FDXACB1: variants seen among roughly 807,000 people sequenced by gnomAD.
FDXACB1 encodes the protein ferredoxin-fold anticodon-binding domain-containing protein 1.
Under a neutral mutation model 51.7 loss-of-function variants are expected in FDXACB1, and 41 were observed. The ratio of observed to expected loss-of-function variants is 0.79; its 90% CI spans 0.62 to 1.03. FDXACB1 has a LOEUF of 1.03. Ranked by LOEUF, FDXACB1 falls within the 50% of genes least tolerant of loss-of-function variation. The pLI is 0.00. For synonymous variants in FDXACB1, 273 were observed against 278.6 expected, an observed-to-expected ratio of 0.98 and a Z score of 0.20; for missense variants, 697 against 746.4, an observed-to-expected ratio of 0.93 and a Z score of 0.77.
chr11:111,875,265 T>A lies in FDXACB1; in HGVS notation c.1532A>T (p.Asp511Val). ...GACAAAATTTTTCAGGAAACGGTTA[T>A]CAAACGTCCACAACATTCTCCAGTC... ...ISDWRMLWTFDNRFLKNFVPG... is the reference protein window; with the variant it reads ...ISDWRMLWTFVNRFLKNFVPG... Residue 511 changes from aspartate (D) to valine (V), a missense_variant, in exon 5 of 5, where the codon GAT becomes GTT. By Grantham distance (152) the Asp-to-Val change is radical. Coordinates refer to ENST00000260257, the MANE Select transcript of FDXACB1 (RefSeq NM_138378.3). 1 of 1,613,898 alleles carries A rather than the reference T, an allele frequency of 6.2e-7. No individual in the cohort carries two copies. Among genetic ancestry groups the A allele is most frequent in the Non-Finnish European group, 8.5e-7 (1 of 1,179,878 alleles).
Position 111,875,467 on chromosome 11 carries a change from T to C in FDXACB1, c.1330A>G (p.Asn444Asp), listed in dbSNP as rs1566366674. 9.3e-6 allele frequency: 15 copies of C among 1,612,832 alleles called. No homozygotes were observed. The highest frequency in any genetic ancestry group is 1.2e-5 in the Non-Finnish European group (14 of 1,179,734). The change falls in exon 5 of 5, where the codon AAT becomes GAT. Residue 444 changes from asparagine to aspartate, a missense_variant. This residue lies in a region of FDXACB1 where 538 missense variants were observed against 592.2 expected (regional missense o/e 0.91). Coordinates refer to ENST00000260257, the MANE Select transcript of FDXACB1 (RefSeq NM_138378.3). ...SSLVKFVLQSNGKDYMIRVKT... is the reference protein window; with the variant it reads ...SSLVKFVLQSDGKDYMIRVKT... ...ACACGAATCATATAATCCTTTCCAT[T>C]TGACTGAAGGACAAATTTGACTAAA...
chr11:111,876,721 G>C, intron 3 of FDXACB1, 82 bp from the exon 4 acceptor site: 1 of 1,578,712 alleles, frequency 6.3e-7, no homozygotes, highest in Non-Finnish European at 8.6e-7. Context: ...TTAATTGGCA[G>C]GGCCTATTGA....
At position 111,878,596 on chromosome 11, in the gene FDXACB1, C is replaced by T. The variant is rs1555162550; in HGVS notation, c.289G>A (p.Val97Ile). The change falls in exon 2 of 5, where the codon GTA (valine) becomes ATA (isoleucine). Residue 97 changes from valine (V) to isoleucine (I), a missense_variant. Val to Ile is a conservative substitution (Grantham distance 29). Coordinates refer to ENST00000260257, the MANE Select transcript of FDXACB1 (RefSeq NM_138378.3). Reference sequence around the variant, plus strand: ...GCAAGCAGTTCCCTGTTCTTAGCTACGCCAGCTTTGCGTCCACAATGCGGG... The same window carrying T: ...GCAAGCAGTTCCCTGTTCTTAGCTATGCCAGCTTTGCGTCCACAATGCGGG... ...IFPHCGRKAGVAKNRELLAKF... is the reference protein window; with the variant it reads ...IFPHCGRKAGIAKNRELLAKF... The T allele has an allele frequency of 7.5e-6, 12 of 1,601,888 alleles. No homozygotes were observed. The highest frequency in any genetic ancestry group is 1.0e-5 in the Non-Finnish European group (12 of 1,173,946).
At position 111,875,675 on chromosome 11, in the gene FDXACB1, T is replaced by C; in HGVS notation, c.1122A>G (p.Gly374=). ...FLSGSLHILS[G]PVFQKCHILP... is the part of the protein sequence containing the mutation. ...AAATGTGGCACTTCTGAAAGACAGG[T>C]CCACTGAGGATGTGCAGAGAACCTG... is the stretch of plus-strand genomic sequence containing the variant. The change falls in exon 5 of 5, where the codon GGA becomes GGG. Residue 374 remains glycine, a synonymous_variant. Transcript: ENST00000260257. The C allele has an allele frequency of 1.2e-6, 2 of 1,613,440 alleles. No homozygotes were observed. The highest frequency in any genetic ancestry group is 1.7e-6 in the Non-Finnish European group (2 of 1,179,850).
chr11:111,876,409 T>C (rs1363158322), intron 4 of FDXACB1, 72 bp downstream of exon 4: 4 of 1,522,834 alleles, frequency 2.6e-6, no homozygotes. Context: ...ATCCATTCAA[T>C]ATATGGTTGC....
At chr11:111,878,010 AC>A (rs1964855623) in intron 2 of FDXACB1, among the ~76,000 whole-genome samples, 1 of 151,610 alleles carries the variant, frequency 6.6e-6, no homozygotes. Context: ...ACACGGTGAA[AC>A]CCCATCTCTA....
In FDXACB1 at chr11:111,876,966, T is replaced by A; in HGVS notation, c.375A>T (p.Leu125Phe). Residue 125 changes from leucine to phenylalanine, a missense_variant, in exon 3 of 5, where the codon TTA becomes TTT. By Grantham distance (22) the Leu-to-Phe change is conservative. This residue lies in a region of FDXACB1 where 538 missense variants were observed against 592.2 expected (regional missense o/e 0.91). Transcript: ENST00000260257. ...CAGGAGTTCCACCTTGTCCTCTACA[T>A]AATGCCACGTGGACTTCTCCTTCCT... Reference protein sequence around the residue: ...LAEEGEVHVALCRGQGGTPAD... With the variant: ...LAEEGEVHVAFCRGQGGTPAD... The A allele has an allele frequency of 6.2e-7, 1 of 1,603,086 alleles. No homozygotes were observed. The highest frequency in any genetic ancestry group is 8.5e-7 in the Non-Finnish European group (1 of 1,174,338).
At chr11:111,878,450 T>G in intron 2 of FDXACB1, 106 bp downstream of exon 2, 1 of 1,300,166 alleles carries the variant, frequency 7.7e-7, no homozygotes, top group Admixed American at 2.7e-5. Context: ...TTATAGTCTC[T>G]TCTAAACATA....
Position 111,876,877 on chromosome 11 carries a change from C to A in FDXACB1, c.464G>T (p.Gly155Val), listed in dbSNP as rs1313823289. 2 of 1,613,602 alleles carry A rather than the reference C, an allele frequency of 1.2e-6. No individual in the cohort carries two copies. Among genetic ancestry groups the A allele is most frequent in the African/African-American group, 2.7e-5 (2 of 74,918 alleles). The change falls in exon 3 of 5, where the codon GGG becomes GTG. Residue 155 changes from glycine (G) to valine (V), a missense_variant. Around this residue, in one of 3 missense-constraint regions of FDXACB1, gnomAD observed 538 missense variants for 592.2 expected, o/e 0.91. Transcript: ENST00000260257. ...TGGATACACGTCGCTTAAAATGAGC[C>A]CCCCCAGGGCTGCCATGGCAACCAC... ...WQVVAMAALG[G>V]LILSDVYPFS...
rs2137350018 is a variant in FDXACB1, at chr11:111,878,950, G to A, written c.172+11C>T. ...GCTGGGCGGGGTTTCGCAGAGGGGC[G>A]GGCTCGCTACCTCGCTCGCGCAGGC... On this transcript the variant is annotated intron_variant, in intron 1 of 4. Transcript: ENST00000260257. 1 of 1,585,620 alleles carries A rather than the reference G, an allele frequency of 6.3e-7. No homozygotes were observed.
In FDXACB1 at chr11:111,875,959, A is replaced by C; in HGVS notation, c.838T>G (p.Trp280Gly). 1 of 1,614,018 alleles carries C rather than the reference A, an allele frequency of 6.2e-7. No individual in the cohort carries two copies. The highest frequency in any genetic ancestry group is 2.2e-5 in the East Asian group (1 of 44,886). The change falls in exon 5 of 5, where the codon TGG (tryptophan) becomes GGG (glycine). Residue 280 changes from tryptophan (W) to glycine (G), a missense_variant. Physicochemically the swap from Trp to Gly is radical, Grantham distance 184 (BLOSUM62 -2). Coordinates refer to ENST00000260257, the MANE Select transcript of FDXACB1 (RefSeq NM_138378.3). ...GCAGCTGACAGAAAGTCACAATTCCAGAAAGGAAGAACACTGGTACCTTCC... is the reference window on the plus strand; with the variant it reads ...GCAGCTGACAGAAAGTCACAATTCCCGAAAGGAAGAACACTGGTACCTTCC... ...PQEGTSVLPF[W>G]NCDFLSAAFW... is the part of the protein sequence containing the mutation.
Position 111,876,584 on chromosome 11 carries a change from T to C in FDXACB1, c.589A>G (p.Ser197Gly). Residue 197 changes from serine to glycine, a missense_variant, in exon 4 of 5, where the codon AGC (serine) becomes GGC (glycine). Ser to Gly is a moderately conservative substitution (Grantham distance 56). This residue lies in a region of FDXACB1 where 538 missense variants were observed against 592.2 expected (regional missense o/e 0.91). Transcript: ENST00000260257. The stretch of plus-strand genomic sequence containing the variant: ...GGTTGAGAACCTTCAAAAGGTAAGC[T>C]CCTGGTGAAGATATGGTTCAAAGCA... Reference protein sequence around the residue: ...EGALNHIFTRSLPFEGSQPRI... With the variant: ...EGALNHIFTRGLPFEGSQPRI... 6.2e-7 allele frequency: 1 copy of C among 1,614,000 alleles called. No homozygotes were observed. The highest frequency in any genetic ancestry group is 8.5e-7 in the Non-Finnish European group (1 of 1,179,886).
Position 111,875,896 on chromosome 11 carries a change from C to G in FDXACB1, c.901G>C (p.Glu301Gln). Residue 301 changes from glutamate (E) to glutamine (Q), a missense_variant, in exon 5 of 5, where the codon GAG (glutamate) becomes CAG (glutamine). By Grantham distance (29) the Glu-to-Gln change is conservative. This residue lies in a region of FDXACB1 where 538 missense variants were observed against 592.2 expected (regional missense o/e 0.91). Transcript: ENST00000260257. ...TGTGATGTCCCACCAGTCAGGGACT[C>G]AGAATTTGAGTTATCTTCATGGAGA... ...ISLHEDNSNS[E>Q]SLTGGTSQDV... 6.2e-7 allele frequency: 1 copy of G among 1,613,808 alleles called. No homozygotes were observed. The highest frequency in any genetic ancestry group is 8.5e-7 in the Non-Finnish European group (1 of 1,179,888).
At position 111,875,921 on chromosome 11, in the gene FDXACB1, A is replaced by G; in HGVS notation, c.876T>C (p.Ser292=). The G allele has an allele frequency of 6.2e-7, 1 of 1,613,924 alleles. No individual in the cohort carries two copies. The highest frequency in any genetic ancestry group is 8.5e-7 in the Non-Finnish European group (1 of 1,179,896). The stretch of plus-strand genomic sequence containing the variant: ...CAGAATTTGAGTTATCTTCATGGAG[A>G]CTAATCCAAAAAGCAGCTGACAGAA... ...CDFLSAAFWI[S]LHEDNSNSES... Residue 292 remains serine (S), a synonymous_variant, in exon 5 of 5, where the codon AGT becomes AGC. Coordinates refer to ENST00000260257, the MANE Select transcript of FDXACB1 (RefSeq NM_138378.3).
rs1188695306 is a variant in FDXACB1 at position 111,876,102 on chromosome 11, C to A, written c.695G>T (p.Gly232Val). ...ATGACATGAAGGTGCTTCCAGGAAA[C>A]CCCTGTTTAAACACACACAAAAATA... ...PEALVGKLNRGFLEAPSCHPI... is the reference protein window; with the variant it reads ...PEALVGKLNRVFLEAPSCHPI... The change falls in exon 5 of 5, where the codon GGT (glycine) becomes GTT (valine). Residue 232 changes from glycine (G) to valine (V), a missense_variant and splice_region_variant. Gly to Val is a moderately radical substitution (Grantham distance 109). Coordinates refer to ENST00000260257, the MANE Select transcript of FDXACB1 (RefSeq NM_138378.3). 2 of 1,595,380 alleles carry A rather than the reference C, an allele frequency of 1.3e-6. No homozygotes were observed. Among genetic ancestry groups the A allele is most frequent in the Non-Finnish European group, 1.7e-6 (2 of 1,170,662 alleles).
At chr11:111,878,481 G>A (rs1203049359) in intron 2 of FDXACB1, 75 bp downstream of exon 2, 2 of 1,442,600 alleles carry the variant, frequency 1.4e-6, no homozygotes, top group Non-Finnish European at 1.9e-6. Context: ...TTGCACGTGT[G>A]CCTTATGTTT....
intron 2 of FDXACB1, 91 bp downstream of exon 2, chr11:111,878,465 A>G: frequency 7.3e-7 from 1 of 1,368,986 alleles, no homozygotes; most frequent in Non-Finnish European, 9.8e-7. Context: ...AACATATCAT[A>G]GTAGCTTGCA....
Position 111,874,737 on chromosome 11 carries a change from G to A in FDXACB1, c.*185C>T. 6 of 601,852 alleles carry A rather than the reference G, an allele frequency of 1.0e-5. No individual in the cohort carries two copies. In the South Asian group the frequency reaches 1.3e-4, roughly 13 times the overall value. 37.3% of individuals were successfully genotyped at this position (601,852 alleles called of 1,614,324 possible). The stretch of plus-strand genomic sequence containing the variant: ...GCCACTGCCACTGCACTCCCGCCTG[G>A]GCGGCAGAGCAAGACTCCGTCTCAA... On this transcript the variant is annotated 3_prime_UTR_variant, in exon 5 of 5. Transcript: ENST00000260257.
In FDXACB1 at chr11:111,875,722, T is replaced by C. The variant is rs782450166; in HGVS notation, c.1075A>G (p.Ile359Val). The C allele has an allele frequency of 1.9e-6, 3 of 1,613,668 alleles. No individual in the cohort carries two copies. Among genetic ancestry groups the C allele is most frequent in the Non-Finnish European group, 2.5e-6 (3 of 1,179,880 alleles). Reference sequence around the variant, plus strand: ...CCTGAGAGGAAGTCTGGTACTTCGATGACATCCTGAACATGCACTAGGAGA... The same window carrying C: ...CCTGAGAGGAAGTCTGGTACTTCGACGACATCCTGAACATGCACTAGGAGA... ...PSLLVHVQDVIEVPDFLSGSL... is the reference protein window; with the variant it reads ...PSLLVHVQDVVEVPDFLSGSL... Residue 359 changes from isoleucine (I) to valine (V), a missense_variant, in exon 5 of 5, where the codon ATC becomes GTC. By Grantham distance (29) the Ile-to-Val change is conservative. Around this residue, in one of 3 missense-constraint regions of FDXACB1, gnomAD observed 538 missense variants for 592.2 expected, o/e 0.91. Coordinates refer to ENST00000260257, the MANE Select transcript of FDXACB1 (RefSeq NM_138378.3).
Sources: allele counts gnomAD v4.1 joint callset (sites outside exome capture counted in the v4.1 genomes callset), GRCh38; gene constraint gnomAD v4.1.1; regional missense constraint gnomAD v4.1.1; transcripts MANE v1.5; gene names NCBI Gene and HGNC (gene_info 2026-07-23, HGNC 2026-07-21).